LRRC37A2: variants seen among roughly 807,000 people sequenced by gnomAD.
LRRC37A2 encodes leucine-rich repeat-containing protein 37A2.
Under a neutral mutation model 68.8 loss-of-function variants are expected in LRRC37A2, and 9 were observed. That is an observed-to-expected ratio of 0.13 (90% CI 0.08 to 0.23). The LOEUF is 0.23. Among genes scored for constraint, LRRC37A2 ranks in the 10% least tolerant of loss-of-function variants. The pLI, the probability that LRRC37A2 is intolerant of heterozygous loss-of-function variation, is 1.00. For missense variants in LRRC37A2, 168 were observed against 950.4 expected (o/e 0.18, Z 10.82); for synonymous variants, 63 against 367.6 (o/e 0.17, Z 9.48).
the LRRC37A2 span, among the ~76,000 whole-genome samples, chr17:46,899,259 C>A: frequency 6.6e-6 from 1 of 151,842 alleles, no homozygotes; most frequent in African/African-American, 2.4e-5. Context: ...ATAATAATAG[C>A]CAGGTATGGT....
chr17:47,002,773 C>CT, the LRRC37A2 span, among the ~76,000 whole-genome samples: 2,481 of 148,898 alleles, frequency 0.017, 33 homozygotes, highest in Middle Eastern at 0.042. Flanking sequence ...CTTATTCATT[C>CT]TTTTTTTTTT....
chr17:46,894,403 A>G, the LRRC37A2 span, among the ~76,000 whole-genome samples: 7 of 152,316 alleles, frequency 4.6e-5, no homozygotes, highest in South Asian at 2.1e-4. Flanking sequence ...TAAGATTCCA[A>G]TGTAGGTTTA....
chr17:46,875,700 G>A, the LRRC37A2 span, among the ~76,000 whole-genome samples: 1 of 152,192 alleles, frequency 6.6e-6, no homozygotes, highest in African/African-American at 2.4e-5. Context: ...GGCCTTCCTG[G>A]AGGTCCTGGA....
the LRRC37A2 span, among the ~76,000 whole-genome samples, chr17:46,849,844 A>AAC: frequency 6.9e-6 from 1 of 144,746 alleles, no homozygotes; most frequent in South Asian, 2.4e-4. Flanking sequence ...CTAGGCATTT[A>AAC]ATATCTTTTT....
chr17:46,922,227 G>T, the LRRC37A2 span, among the ~76,000 whole-genome samples: 1 of 151,998 alleles, frequency 6.6e-6, no homozygotes, highest in Non-Finnish European at 1.5e-5. Flanking sequence ...GCAAACTATC[G>T]CAAGGACAAA....
the LRRC37A2 span, among the ~76,000 whole-genome samples, chr17:46,858,583 G>T: frequency 6.6e-6 from 1 of 151,986 alleles, no homozygotes; most frequent in Non-Finnish European, 1.5e-5. Flanking sequence ...TTCTGTTGGT[G>T]GTGATAAAAA....
At chr17:46,960,291 A>G in the LRRC37A2 span, among the ~76,000 whole-genome samples, 2 of 152,232 alleles carry the variant, frequency 1.3e-5, no homozygotes, top group African/African-American at 4.8e-5. Flanking sequence ...TAGACACACA[A>G]TGAGGTGTCA....
the LRRC37A2 span, chr17:46,931,747 TATAATCC>T: frequency 2.4e-6 from 1 of 416,914 alleles, no homozygotes; most frequent in Admixed American, 3.9e-5. Flanking sequence ...AGGAGAGCCA[TATAATCC>T]ATAGAAGGTC....
the LRRC37A2 span, among the ~76,000 whole-genome samples, chr17:46,874,138 G>A: frequency 2.0e-3 from 307 of 152,274 alleles, 1 homozygote; most frequent in Admixed American, 3.8e-3. Context: ...CTGGAGGGCA[G>A]GCAGGAAGTA....
the LRRC37A2 span, among the ~76,000 whole-genome samples, chr17:46,863,843 C>T: frequency 9.2e-5 from 14 of 152,140 alleles, no homozygotes; most frequent in African/African-American, 3.4e-4. Flanking sequence ...CCAAGGGAGC[C>T]GCTCACAACT....
the LRRC37A2 span, among the ~76,000 whole-genome samples, chr17:46,392,389 T>C: frequency 5.0e-5 from 3 of 59,762 alleles, no homozygotes; most frequent in Non-Finnish European, 1.1e-4. Flanking sequence ...TTTTCTTTCT[T>C]TCTCTCTTTC....
At chr17:47,030,079 AATAATAATAATC>A in the LRRC37A2 span, among the ~76,000 whole-genome samples, 113 of 41,922 alleles carry the variant, frequency 2.7e-3, 1 homozygote, top group Non-Finnish European at 3.6e-3. Context: ...TAATAATAAT[AATAATAATAATC>A]ATCATCATCA....
the LRRC37A2 span, among the ~76,000 whole-genome samples, chr17:46,735,353 A>T: frequency 6.6e-6 from 1 of 152,130 alleles, no homozygotes; most frequent in African/African-American, 2.4e-5. Context: ...CTGTGGCATT[A>T]CATTAGCTTT....
the LRRC37A2 span, among the ~76,000 whole-genome samples, chr17:46,901,932 C>T: frequency 9.2e-5 from 14 of 151,972 alleles, no homozygotes; most frequent in Admixed American, 5.2e-4. Context: ...CTCAGCCTAC[C>T]GAGTAGTTGG....
At chr17:46,746,717 C>T in the LRRC37A2 span, among the ~76,000 whole-genome samples, 73 of 152,226 alleles carry the variant, frequency 4.8e-4, no homozygotes, top group Admixed American at 4.6e-4. Context: ...ATCTGGTTTC[C>T]AGTCTTGGCT....
chr17:46,940,787 C>T, the LRRC37A2 span: 1 of 1,506,370 alleles, frequency 6.6e-7, no homozygotes, highest in Admixed American at 2.0e-5. Context: ...ATAAAAATTG[C>T]AGAGGTGGTT....
chr17:47,017,815 G>A, the LRRC37A2 span: 10 of 1,609,572 alleles, frequency 6.2e-6, no homozygotes, highest in South Asian at 1.1e-5. Context: ...GAGCCTCCAG[G>A]GCCCTCTGAG....
the LRRC37A2 span, among the ~76,000 whole-genome samples, chr17:46,842,749 G>A: frequency 6.6e-6 from 1 of 152,222 alleles, no homozygotes; most frequent in South Asian, 2.1e-4. Context: ...GGCATGATGA[G>A]TGATGCTCAA....
At chr17:46,503,211 C>CAACA in the LRRC37A2 span, among the ~76,000 whole-genome samples, 1 of 72,646 alleles carries the variant, frequency 1.4e-5, no homozygotes, top group Non-Finnish European at 2.8e-5. Context: ...GACTCCGTCT[C>CAACA]AAAAAAAAAA....
Sources: gnomAD v4.1 joint callset for allele counts (sites outside exome capture counted in the v4.1 genomes callset) on GRCh38, gnomAD v4.1.1 for gene constraint, MANE v1.5 for transcripts, NCBI Gene and HGNC (gene_info 2026-07-23, HGNC 2026-07-21) for gene names.